Variants in TNFRSF25 observed in about 807,000 individuals in gnomAD.
TNFRSF25 encodes tumor necrosis factor receptor superfamily member 25.
A neutral mutation model predicts 49.4 loss-of-function variants in TNFRSF25; 28 were observed. That is an observed-to-expected ratio of 0.57 (90% CI 0.42 to 0.78). The LOEUF (loss-of-function observed/expected upper bound fraction) is 0.78, where lower values mean the gene tolerates loss of function less well. Among genes scored for constraint, TNFRSF25 ranks in the 30% least tolerant of loss-of-function variants. The probability of loss-of-function intolerance (pLI) is 0.00; values close to 1 mark genes in which losing one functional copy is unlikely to be tolerated. For synonymous variants in TNFRSF25, 240 were observed against 234.2 expected (o/e 1.02, Z -0.23); for missense variants, 531 against 581.6 (o/e 0.91, Z 0.90).
Position 6,462,818 on chromosome 1 carries a change from C to A in TNFRSF25, c.706+45G>T. On this transcript the variant is annotated intron_variant, in intron 7 of 9. Transcript: ENST00000356876. The surrounding 1 kb of genome is among the most constrained non-coding windows in gnomAD (Gnocchi z 4.2). Reference sequence around the variant, plus strand: ...GTTGAGTAGACTCTGGGCTACCCATCCTGACCCCAGGCTTCTGGGTGCGTG... The same window carrying A: ...GTTGAGTAGACTCTGGGCTACCCATACTGACCCCAGGCTTCTGGGTGCGTG... 1 of 1,576,014 alleles carries A rather than the reference C, an allele frequency of 6.3e-7. No individual in the cohort carries two copies. The highest frequency in any genetic ancestry group is 2.3e-5 in the East Asian group (1 of 43,296).
At position 6,464,696 on chromosome 1, in the gene TNFRSF25, A is replaced by G; in HGVS notation, c.319T>C (p.Cys107Arg). The G allele has an allele frequency of 6.2e-7, 1 of 1,613,390 alleles. No individual in the cohort carries two copies. The highest frequency in any genetic ancestry group is 8.5e-7 in the Non-Finnish European group (1 of 1,179,614). The stretch of plus-strand genomic sequence containing the variant: ...CAGCGGGTGTCGGCCACTGCTGAAC[A>G]GTTCTCCAGCGCCACCTGGGAGGCT... ...EQASQVALEN[C>R]SAVADTRCGC... is the part of the protein sequence containing the mutation. Residue 107 changes from cysteine to arginine, a missense_variant, in exon 4 of 10, where the codon TGT becomes CGT. By Grantham distance (180) the Cys-to-Arg change is radical. Transcript: ENST00000356876.
Position 6,465,428 on chromosome 1 carries a change from G to A in TNFRSF25, c.160+12C>T. Reference sequence around the variant, plus strand: ...CCTGCCCCATGCCTCTCCCACCCCTGTGGCCACTTACCCGCTGGGCAGCCT... The same window carrying A: ...CCTGCCCCATGCCTCTCCCACCCCTATGGCCACTTACCCGCTGGGCAGCCT... On this transcript the variant is annotated intron_variant, in intron 2 of 9. Transcript: ENST00000356876. The A allele has an allele frequency of 6.2e-7, 1 of 1,613,848 alleles. No individual in the cohort carries two copies. Among genetic ancestry groups the A allele is most frequent in the Non-Finnish European group, 8.5e-7 (1 of 1,179,984 alleles).
Position 6,461,808 on chromosome 1 carries a change from T to C in TNFRSF25, c.926-46A>G. The C allele has an allele frequency of 6.8e-7, 1 of 1,465,206 alleles. No individual in the cohort carries two copies. Among genetic ancestry groups the C allele is most frequent in the African/African-American group, 1.4e-5 (1 of 71,148 alleles). The allele number at this position is 1,465,206 out of a possible 1,614,324, so 90.8% of individuals were successfully genotyped here. On this transcript the variant is annotated intron_variant, in intron 9 of 9. Coordinates refer to ENST00000356876, the MANE Select transcript of TNFRSF25 (RefSeq NM_003790.3). The surrounding 1 kb of genome is among the most constrained non-coding windows in gnomAD (Gnocchi z 6.3). Reference sequence around the variant, plus strand: ...GCCAATTGGGGTACGTGGGCCGCGGTCGGGAGGCAGAGTCAGGGGCGTTCG... The same window carrying C: ...GCCAATTGGGGTACGTGGGCCGCGGCCGGGAGGCAGAGTCAGGGGCGTTCG...
Position 6,462,107 on chromosome 1 carries a change from ATCT to A in TNFRSF25, c.809_811del (p.Lys270del), listed in dbSNP as rs1226906717. 1.8e-5 allele frequency: 29 copies of A among 1,613,656 alleles called. No individual in the cohort carries two copies. The highest frequency in any genetic ancestry group is 1.9e-5 in the Non-Finnish European group (23 of 1,179,910). On this transcript the variant is annotated inframe_deletion, in exon 9 of 10. Coordinates refer to ENST00000356876, the MANE Select transcript of TNFRSF25 (RefSeq NM_003790.3). This position sits in a 1 kb window ranked among gnomAD's most constrained non-coding sequence, Gnocchi z 4.2. Reference sequence around the variant, plus strand: ...GTTACCCACCAACTGGACGGTGCAGATCTTCTCACTGCTGTCAGGAGGTGCTAG... The same window carrying A: ...GTTACCCACCAACTGGACGGTGCAGATCTCACTGCTGTCAGGAGGTGCTAG...
chr1:6,464,317 A>T, intron 5 of TNFRSF25, 58 bp downstream of exon 5: 2 of 1,560,850 alleles, frequency 1.3e-6, no homozygotes, highest in Non-Finnish European at 1.7e-6. Flanking sequence ...GCCCCACCCC[A>T]GGCCCCTGCT....
Position 6,466,088 on chromosome 1 carries a change from C to A in TNFRSF25, c.20G>T (p.Gly7Val). 1 of 1,575,972 alleles carries A rather than the reference C, an allele frequency of 6.3e-7. No homozygotes were observed. The part of the protein sequence containing the change: MEQRPR[G>V]CAAVAAALLL... ...ACTCACCGCCGCCACCGCCGCGCAG[C>A]CCCGCGGCCGCTGCTCCATAGCCCT... The change falls in exon 1 of 10, where the codon GGC becomes GTC. Residue 7 changes from glycine (G) to valine (V), a missense_variant. By Grantham distance (109) the Gly-to-Val change is moderately radical (BLOSUM62 -3). Transcript: ENST00000356876.
Position 6,461,720 on chromosome 1 carries a change from C to G in TNFRSF25, c.968G>C (p.Gly323Ala). 6.4e-7 allele frequency: 1 copy of G among 1,553,928 alleles called. No homozygotes were observed. Among genetic ancestry groups the G allele is most frequent in the Non-Finnish European group, 8.7e-7 (1 of 1,156,038 alleles). The change falls in exon 10 of 10, where the codon GGC (glycine) becomes GCC (alanine). Residue 323 changes from glycine to alanine, a missense_variant. Transcript: ENST00000356876. This position sits in a 1 kb window ranked among gnomAD's most constrained non-coding sequence, Gnocchi z 6.3. ...APTLSPESPA[G>A]SPAMMLQPGP... ...CGGCTGCAGCATCATGGCTGGCGAG[C>G]CGGCTGGGGACTCTGGCGAGAGTGT... is the stretch of plus-strand genomic sequence containing the variant.
chr1:6,461,314 G>C lies in TNFRSF25; in HGVS notation c.*120C>G, dbSNP rs2148554632. ...AGCAGGGGTGGGGCCGGCTGGTGCT[G>C]CTACGCAGGGCCGTGCCAGCGGCTT... On this transcript the variant is annotated 3_prime_UTR_variant, in exon 10 of 10. Coordinates refer to ENST00000356876, the MANE Select transcript of TNFRSF25 (RefSeq NM_003790.3). This position sits in a 1 kb window ranked among gnomAD's most constrained non-coding sequence, Gnocchi z 6.3. 7.8e-7 allele frequency: 1 copy of C among 1,285,956 alleles called. No individual in the cohort carries two copies. The highest frequency in any genetic ancestry group is 2.5e-5 in the East Asian group (1 of 39,520). 79.7% of individuals were successfully genotyped at this position (1,285,956 alleles called of 1,614,324 possible). A position where few individuals can be genotyped will look rare whatever the true frequency, so the allele number is the denominator to read the frequency against.
chr1:6,462,485 C>G lies in TNFRSF25; in HGVS notation c.744+144G>C. 6.6e-7 allele frequency: 1 copy of G among 1,511,522 alleles called. No individual in the cohort carries two copies. The highest frequency in any genetic ancestry group is 8.8e-7 in the Non-Finnish European group (1 of 1,133,118). 93.6% of individuals were successfully genotyped at this position (1,511,522 alleles called of 1,614,324 possible). On this transcript the variant is annotated intron_variant, in intron 8 of 9. Transcript: ENST00000356876. This position sits in a 1 kb window ranked among gnomAD's most constrained non-coding sequence, Gnocchi z 4.2. ...CCTTGAGGGCAGGCACTGTGCTGGT[C>G]TCATCCACTGATGACTCTGCTCCCA...
intron 5 of TNFRSF25, chr1:6,463,410 G>T: frequency 2.0e-6 from 1 of 512,520 alleles, no homozygotes; most frequent in Non-Finnish European, 3.5e-6. Flanking sequence ...ACAGTGTGTA[G>T]AACATAGCAG....
chr1:6,462,742 G>A lies in TNFRSF25; in HGVS notation c.707-76C>T. ...CTGGGTGCTGGTACAGCTCCTCTAG[G>A]GTTCCTCTGCACCCCACACTCCCTG... is the stretch of plus-strand genomic sequence containing the variant. On this transcript the variant is annotated intron_variant, in intron 7 of 9. Transcript: ENST00000356876. The surrounding 1 kb of genome is among the most constrained non-coding windows in gnomAD (Gnocchi z 4.2). 1.3e-6 allele frequency: 2 copies of A among 1,593,264 alleles called. No individual in the cohort carries two copies. The highest frequency in any genetic ancestry group is 1.7e-6 in the Non-Finnish European group (2 of 1,169,626).
chr1:6,463,248 C>T (rs922967624), intron 5 of TNFRSF25, 121 bp from the exon 6 acceptor site: 15 of 939,920 alleles, frequency 1.6e-5, no homozygotes, highest in Admixed American at 7.4e-5. Flanking sequence ...TCACTCTACC[C>T]AAGAATGTTC....
Position 6,462,381 on chromosome 1 carries a change from C to T in TNFRSF25, c.745-207G>A. On this transcript the variant is annotated intron_variant, in intron 8 of 9. Coordinates refer to ENST00000356876, the MANE Select transcript of TNFRSF25 (RefSeq NM_003790.3). The surrounding 1 kb of genome is among the most constrained non-coding windows in gnomAD (Gnocchi z 4.2). ...CCTGCCCCCGCCTCCTTCCTCTTGT[C>T]CCCCAGCACCATGGGGCTCTCCTTC... is the stretch of plus-strand genomic sequence containing the variant. The T allele has an allele frequency of 6.0e-6, 7 of 1,167,870 alleles. No individual in the cohort carries two copies. The highest frequency in any genetic ancestry group is 7.0e-6 in the Non-Finnish European group (6 of 855,788). The allele number at this position is 1,167,870 out of a possible 1,614,324, so 72.3% of individuals were successfully genotyped here. A position where few individuals can be genotyped will look rare whatever the true frequency, so the allele number is the denominator to read the frequency against.
intron 5 of TNFRSF25, chr1:6,463,395 C>A: frequency 1.7e-6 from 1 of 574,134 alleles, no homozygotes; most frequent in Non-Finnish European, 3.1e-6. Context: ...TCCCCAGCAC[C>A]TAGAACAGTG....
At chr1:6,464,027 C>T (rs1018200349) in intron 5 of TNFRSF25, 14 of 906,616 alleles carry the variant, frequency 1.5e-5, no homozygotes, top group African/African-American at 1.1e-4. Flanking sequence ...TGCAGTGGCA[C>T]GATCATAGCT....
At position 6,462,835 on chromosome 1, in the gene TNFRSF25, G is replaced by C. The variant is rs1414034071; in HGVS notation, c.706+28C>G. On this transcript the variant is annotated intron_variant, in intron 7 of 9. Transcript: ENST00000356876. The surrounding 1 kb of genome is among the most constrained non-coding windows in gnomAD (Gnocchi z 4.2). ...CTACCCATCCTGACCCCAGGCTTCTGGGTGCGTGTGTGGGTGTGTGTACTT... is the reference window on the plus strand; with the variant it reads ...CTACCCATCCTGACCCCAGGCTTCTCGGTGCGTGTGTGGGTGTGTGTACTT... The C allele has an allele frequency of 1.3e-6, 2 of 1,588,386 alleles. No homozygotes were observed. The highest frequency in any genetic ancestry group is 1.7e-6 in the Non-Finnish European group (2 of 1,165,550).
chr1:6,464,319 G>A (rs1313309129), intron 5 of TNFRSF25, 56 bp downstream of exon 5: 18 of 1,561,778 alleles, frequency 1.2e-5, no homozygotes, highest in Non-Finnish European at 1.5e-5. Context: ...CCCACCCCAG[G>A]CCCCTGCTCT....
rs377136890 is a variant in TNFRSF25, at chr1:6,465,542, G to A, written c.58C>T (p.Leu20=). Residue 20 remains leucine (L), a synonymous_variant, in exon 2 of 10, where the codon CTG becomes TTG. Transcript: ENST00000356876. ...AVAAALLLVL[L]GARAQGGTRS... is the part of the protein sequence containing the mutation. The stretch of plus-strand genomic sequence containing the variant: ...GTGCCGCCCTGGGCCCGGGCCCCCA[G>A]CAGCACCAGGAGGAGCGCCTGGGGG... 242 of 1,613,120 alleles carry A rather than the reference G, an allele frequency of 1.5e-4. No homozygotes were observed. Among genetic ancestry groups the A allele is most frequent in the Non-Finnish European group, 1.9e-4 (226 of 1,179,852 alleles).
intron 5 of TNFRSF25, 189 bp from the exon 6 acceptor site, chr1:6,463,316 T>C (rs1644235270): frequency 3.2e-6 from 2 of 627,852 alleles, no homozygotes; most frequent in East Asian, 2.7e-5. Context: ...TCTTCTAGAC[T>C]ACATGAAGAG....
Sources: allele counts gnomAD v4.1 joint callset, GRCh38; gene constraint gnomAD v4.1.1; non-coding constraint Gnocchi (gnomAD v3.1); transcripts MANE v1.5; gene names NCBI Gene and HGNC (gene_info 2026-07-23, HGNC 2026-07-21).